Variants in FKBP15 observed in about 807,000 individuals in gnomAD.
The protein encoded by FKBP15 is FK506-binding protein 15.
Under a neutral mutation model 158.1 loss-of-function variants are expected in FKBP15, and 106 were observed. The ratio of observed to expected loss-of-function variants is 0.67; its 90% CI spans 0.57 to 0.79. FKBP15 has a LOEUF of 0.79. Ranked by LOEUF, FKBP15 falls within the 30% of genes least tolerant of loss-of-function variation. The probability of loss-of-function intolerance (pLI) is 0.00; values close to 1 mark genes in which losing one functional copy is unlikely to be tolerated. For synonymous variants in FKBP15, 547 were observed against 548.6 expected (o/e 1.00, Z 0.04); for missense variants, 1,287 against 1,479.1 (o/e 0.87, Z 2.13).
intron 12 of FKBP15, among the ~76,000 whole-genome samples, chr9:113,189,936 G>A (rs1036017215): frequency 2.6e-5 from 4 of 152,054 alleles, no homozygotes; most frequent in African/African-American, 9.7e-5. Flanking sequence ...AAGTGGAGAG[G>A]CTTTCTAAGC....
Position 113,161,478 on chromosome 9 carries a change from C to G in FKBP15, c.*4600G>C. 1 of 1,608,678 alleles carries G rather than the reference C, an allele frequency of 6.2e-7. No individual in the cohort carries two copies. Among genetic ancestry groups the G allele is most frequent in the Non-Finnish European group, 8.5e-7 (1 of 1,176,084 alleles). ...GGAAGGGAAACAGTGCTGGCCTGGC[C>G]AGGTCTCCACAACTCTGCCTCCTTT... is the stretch of plus-strand genomic sequence containing the variant. On this transcript the variant is annotated 3_prime_UTR_variant, in exon 28 of 28. Coordinates refer to ENST00000238256, the MANE Select transcript of FKBP15 (RefSeq NM_015258.2).
intron 20 of FKBP15, among the ~76,000 whole-genome samples, chr9:113,177,384 A>G (rs978021460): frequency 4.6e-5 from 7 of 152,244 alleles, no homozygotes; most frequent in African/African-American, 1.7e-4. Flanking sequence ...CTCTTGAGGT[A>G]ATTGTCATAA....
intron 1 of FKBP15, 149 bp downstream of exon 1, chr9:113,221,042 C>T (rs887198392): frequency 2.4e-6 from 2 of 842,300 alleles, no homozygotes; most frequent in African/African-American, 3.4e-5. Context: ...CAAGTTCTGC[C>T]CAGATTCTGA....
At chr9:113,174,674 C>G (rs1382133862) in intron 21 of FKBP15, 91 bp from the exon 22 acceptor site, 15 of 1,333,938 alleles carry the variant, frequency 1.1e-5, no homozygotes, top group Non-Finnish European at 1.5e-5. Flanking sequence ...CTTGTGGAAT[C>G]CTTACTCCAT....
rs899657754 is a variant in FKBP15 at position 113,162,043 on chromosome 9, G to A, written c.*4035C>T. On this transcript the variant is annotated 3_prime_UTR_variant, in exon 28 of 28. Transcript: ENST00000238256. ...GGTCACTAGGCTCCCATATCCAGGA[G>A]GGGATCTGCAGCTGTCCTGAAGCAA... 11 of 386,632 alleles carry A rather than the reference G, an allele frequency of 2.8e-5. No individual in the cohort carries two copies. The highest frequency in any genetic ancestry group is 2.1e-4 in the African/African-American group (10 of 47,830). The allele number at this position is 386,632 out of a possible 1,614,324, so 24.0% of individuals were successfully genotyped here.
At position 113,202,530 on chromosome 9, in the gene FKBP15, C is replaced by A; in HGVS notation, c.498+1G>T. 1 of 1,569,410 alleles carries A rather than the reference C, an allele frequency of 6.4e-7. No individual in the cohort carries two copies. The highest frequency in any genetic ancestry group is 1.3e-5 in the African/African-American group (1 of 74,214). ...TCACAGGGAGAGTAAGATGTTATCA[C>A]CTGCTTATTGAACTCCACAGCAGCC... is the stretch of plus-strand genomic sequence containing the variant. On this transcript the variant is annotated splice_donor_variant, in intron 6 of 27. Transcript: ENST00000238256. LOFTEE classifies it high-confidence loss of function.
chr9:113,171,615 C>T lies in FKBP15; in HGVS notation c.2624G>A (p.Gly875Glu). Residue 875 changes from glycine to glutamate, a missense_variant, in exon 24 of 28, where the codon GGG becomes GAG. Transcript: ENST00000238256. Reference sequence around the variant, plus strand: ...GGGGTCAGATGCAGCAGCTTCAACCCCAGACATCTGGGACTTGTTCTTCTC... The same window carrying T: ...GGGGTCAGATGCAGCAGCTTCAACCTCAGACATCTGGGACTTGTTCTTCTC... The part of the protein sequence containing the change: ...ELEKNKSQMS[G>E]VEAAASDPSE... The T allele has an allele frequency of 6.2e-7, 1 of 1,606,398 alleles. No homozygotes were observed.
intron 19 of FKBP15, among the ~76,000 whole-genome samples, chr9:113,182,115 T>C (rs1037806212): frequency 6.6e-6 from 1 of 152,238 alleles, no homozygotes. Flanking sequence ...TAACTTTTCA[T>C]GTTTTCAAGG....
intron 1 of FKBP15, among the ~76,000 whole-genome samples, chr9:113,213,280 G>A (rs764372045): frequency 2.8e-4 from 42 of 151,952 alleles, no homozygotes; most frequent in Non-Finnish European, 4.1e-4. Context: ...GTGGTGGCAC[G>A]CACCTGTAAT....
chr9:113,199,818 C>T lies in FKBP15; in HGVS notation c.644G>A (p.Gly215Asp). Residue 215 changes from glycine (G) to aspartate (D), a missense_variant, in exon 7 of 28, where the codon GGC becomes GAC. Gly to Asp is a moderately conservative substitution (Grantham distance 94). Coordinates refer to ENST00000238256, the MANE Select transcript of FKBP15 (RefSeq NM_015258.2). Reference sequence around the variant, plus strand: ...TTGCAGGGTGCATTTTCTTACCTGGCCCAGCACATGATTCTGAAAGAGCCA... The same window carrying T: ...TTGCAGGGTGCATTTTCTTACCTGGTCCAGCACATGATTCTGAAAGAGCCA... ...TGWLFQNHVL[G>D]QVFDSTANKD... 3.1e-6 allele frequency: 5 copies of T among 1,611,788 alleles called. No individual in the cohort carries two copies. The highest frequency in any genetic ancestry group is 4.2e-6 in the Non-Finnish European group (5 of 1,178,952).
intron 12 of FKBP15, among the ~76,000 whole-genome samples, chr9:113,189,509 AT>A (rs1830538622): frequency 6.6e-6 from 1 of 152,110 alleles, no homozygotes; most frequent in South Asian, 2.1e-4. Context: ...AAAATTTTTA[AT>A]AAAAATATTC....
intron 11 of FKBP15, among the ~76,000 whole-genome samples, chr9:113,192,284 G>C (rs1375287029): frequency 2.0e-5 from 3 of 152,154 alleles, no homozygotes; most frequent in African/African-American, 7.2e-5. Flanking sequence ...CTGTTGGATT[G>C]AATATAAACA....
chr9:113,161,086 A>C lies in FKBP15; in HGVS notation c.*4992T>G, dbSNP rs1830004647. 1 of 157,096 alleles carries C rather than the reference A, an allele frequency of 6.4e-6. No individual in the cohort carries two copies. The highest frequency in any genetic ancestry group is 1.4e-5 in the Non-Finnish European group (1 of 71,666). The allele number at this position is 157,096 out of a possible 1,614,324, so 9.7% of individuals were successfully genotyped here. A position where few individuals can be genotyped will look rare whatever the true frequency, so the allele number is the denominator to read the frequency against. ...TAAAAGAAACCTTAGAAAGTTAGGCAAGAACATAAAAACCACCTGTATCCT... is the reference window on the plus strand; with the variant it reads ...TAAAAGAAACCTTAGAAAGTTAGGCCAGAACATAAAAACCACCTGTATCCT... On this transcript the variant is annotated 3_prime_UTR_variant, in exon 28 of 28. Coordinates refer to ENST00000238256, the MANE Select transcript of FKBP15 (RefSeq NM_015258.2).
At chr9:113,205,501 A>AAAT (rs1233145840) in intron 4 of FKBP15, among the ~76,000 whole-genome samples, 1 of 152,172 alleles carries the variant, frequency 6.6e-6, no homozygotes, top group Non-Finnish European at 1.5e-5. Context: ...AAGAATTTAA[A>AAAT]AATAATAATA....
chr9:113,216,780 A>G (rs1481855381), intron 1 of FKBP15, among the ~76,000 whole-genome samples: 1 of 152,256 alleles, frequency 6.6e-6, no homozygotes, highest in Non-Finnish European at 1.5e-5. Context: ...TTTTAAAAGG[A>G]AAGACAAGAG....
chr9:113,196,203 A>G (rs536513232), intron 9 of FKBP15, among the ~76,000 whole-genome samples: 1 of 152,224 alleles, frequency 6.6e-6, no homozygotes, highest in South Asian at 2.1e-4. Context: ...GTTTTTTGCT[A>G]TTACTATGTG....
intron 27 of FKBP15, among the ~76,000 whole-genome samples, chr9:113,166,474 A>G (rs1186206532): frequency 6.6e-6 from 1 of 152,258 alleles, no homozygotes; most frequent in Non-Finnish European, 1.5e-5. Context: ...GTGTGGAGAA[A>G]GAAGGGTCAA....
At chr9:113,170,947 G>A (rs1830197083) in intron 24 of FKBP15, among the ~76,000 whole-genome samples, 2 of 152,172 alleles carry the variant, frequency 1.3e-5, no homozygotes, top group Non-Finnish European at 2.9e-5. Flanking sequence ...AGCTGCCATA[G>A]GCTCTAAGGG....
rs1399969321 is a variant in FKBP15, at chr9:113,188,455, C to A, written c.1210G>T (p.Val404Leu). 6.2e-7 allele frequency: 1 copy of A among 1,613,874 alleles called. No individual in the cohort carries two copies. Among genetic ancestry groups the A allele is most frequent in the Non-Finnish European group, 8.5e-7 (1 of 1,179,852 alleles). Residue 404 changes from valine (V) to leucine (L), a missense_variant, in exon 13 of 28, where the codon GTG (valine) becomes TTG (leucine). Physicochemically the swap from Val to Leu is conservative, Grantham distance 32. Coordinates refer to ENST00000238256, the MANE Select transcript of FKBP15 (RefSeq NM_015258.2). ...NTLQGGGQPV[V>L]TPSVQPSLHP... ...AGAGAGGGCTGGACGGACGGAGTCA[C>A]CACAGGCTGCCCACCTCCTTGCAGA...
Sources: gnomAD v4.1 joint callset for allele counts (sites outside exome capture counted in the v4.1 genomes callset) on GRCh38, gnomAD v4.1.1 for gene constraint, MANE v1.5 for transcripts, NCBI Gene and HGNC (gene_info 2026-07-23, HGNC 2026-07-21) for gene names.